CFB: variants seen among roughly 807,000 people sequenced by gnomAD.
The protein encoded by CFB is complement factor B.
Under a neutral mutation model 97.2 loss-of-function variants are expected in CFB, and 59 were observed. That is an observed-to-expected ratio of 0.61 (90% CI 0.49 to 0.75). CFB has a LOEUF of 0.75. Ranked by LOEUF, CFB falls within the 30% of genes least tolerant of loss-of-function variation. CFB has a pLI of 0.00. For missense variants in CFB, 771 were observed against 959.8 expected (o/e 0.80, Z 2.60); for synonymous variants, 316 against 351.7 (o/e 0.90, Z 1.14).
intron 7 of CFB, 83 bp downstream of exon 7, chr6:31,948,595 C>T (rs926265992): frequency 2.6e-5 from 41 of 1,590,680 alleles, no homozygotes; most frequent in South Asian, 1.0e-4. Flanking sequence ...ACCTTGAGGG[C>T]GACAGGGAGG....
At position 31,949,726 on chromosome 6, in the gene CFB, G is replaced by GA. The variant is rs556151342; in HGVS notation, c.1408+171dup. 85 of 858,820 alleles carry GA rather than the reference G, an allele frequency of 9.9e-5. 2 individuals carry two copies. The South Asian group carries it at 1.2e-3, about 12-fold the overall frequency. The allele number at this position is 858,820 out of a possible 1,614,324, so 53.2% of individuals were successfully genotyped here. ...TCCTGGCACTGTTCACTTAACCTTA[G>GA]AATCACAGAGCTCTGAGCACTTCAG... On this transcript the variant is annotated intron_variant, in intron 10 of 17. Coordinates refer to ENST00000425368, the MANE Select transcript of CFB (RefSeq NM_001710.6).
Position 31,946,688 on chromosome 6 carries a change from G to C in CFB, c.298+82G>C, listed in dbSNP as rs761049692. ...CAAGGTCAGGACTAGGATGAGACTA[G>C]GCAGGGTGACAAGGTGGGCTGACCG... On this transcript the variant is annotated intron_variant, in intron 2 of 17. Coordinates refer to ENST00000425368, the MANE Select transcript of CFB (RefSeq NM_001710.6). This position sits in a 1 kb window ranked among gnomAD's most constrained non-coding sequence, Gnocchi z 6.4. 1 of 1,328,496 alleles carries C rather than the reference G, an allele frequency of 7.5e-7. No individual in the cohort carries two copies. Among genetic ancestry groups the C allele is most frequent in the African/African-American group, 1.4e-5 (1 of 69,362 alleles). 82.3% of individuals were successfully genotyped at this position (1,328,496 alleles called of 1,614,324 possible).
chr6:31,950,565 G>T (rs1562631830), intron 12 of CFB, 54 bp from the exon 13 acceptor site: 2 of 1,611,224 alleles, frequency 1.2e-6, no homozygotes, highest in African/African-American at 1.3e-5. Context: ...AATGACACGG[G>T]GCCAGAGGCA....
Position 31,949,355 on chromosome 6 carries a change from T to C in CFB, c.1270+11T>C. On this transcript the variant is annotated intron_variant, in intron 9 of 17. Coordinates refer to ENST00000425368, the MANE Select transcript of CFB (RefSeq NM_001710.6). The stretch of plus-strand genomic sequence containing the variant: ...GGGAGGATTATCTGGGTGAGTAACC[T>C]GCCTAGGACCCAGCACCCCACTTCC... The C allele has an allele frequency of 6.2e-7, 1 of 1,614,196 alleles. No individual in the cohort carries two copies. Among genetic ancestry groups the C allele is most frequent in the Non-Finnish European group, 8.5e-7 (1 of 1,180,024 alleles).
rs1342942255 is a variant in CFB at position 31,947,500 on chromosome 6, G to A, written c.637G>A (p.Gly213Arg). ...RTCQEGGSWS[G>R]TEPSCQDSFM... The stretch of plus-strand genomic sequence containing the variant: ...GTGTCAGGAAGGTGGCTCTTGGAGC[G>A]GGACGGAGCCTTCCTGCCAAGGTGA... Residue 213 changes from glycine (G) to arginine (R), a missense_variant, in exon 4 of 18, where the codon GGG becomes AGG. Coordinates refer to ENST00000425368, the MANE Select transcript of CFB (RefSeq NM_001710.6). This position sits in a 1 kb window ranked among gnomAD's most constrained non-coding sequence, Gnocchi z 5.3. 5 of 1,612,804 alleles carry A rather than the reference G, an allele frequency of 3.1e-6. No homozygotes were observed. The highest frequency in any genetic ancestry group is 1.3e-5 in the African/African-American group (1 of 74,872).
chr6:31,949,159 T>A, intron 8 of CFB, 84 bp from the exon 9 acceptor site: 1 of 1,483,906 alleles, frequency 6.7e-7, no homozygotes, highest in Non-Finnish European at 9.3e-7. Context: ...CTTCCTCAAC[T>A]TGCTCACCCT....
At position 31,947,471 on chromosome 6, in the gene CFB, G is replaced by T; in HGVS notation, c.608G>T (p.Arg203Leu). ...RGLTLRGSQR[R>L]TCQEGGSWSG... ...CTTACCCTGCGTGGCTCCCAGCGGC[G>T]AACGTGTCAGGAAGGTGGCTCTTGG... The change falls in exon 4 of 18, where the codon CGA becomes CTA. Residue 203 changes from arginine (R) to leucine (L), a missense_variant. Coordinates refer to ENST00000425368, the MANE Select transcript of CFB (RefSeq NM_001710.6). The surrounding 1 kb of genome is among the most constrained non-coding windows in gnomAD (Gnocchi z 5.3). 2 of 1,612,984 alleles carry T rather than the reference G, an allele frequency of 1.2e-6. No individual in the cohort carries two copies. The highest frequency in any genetic ancestry group is 1.7e-6 in the Non-Finnish European group (2 of 1,180,010).
In CFB at chr6:31,946,849, C is replaced by T. The variant is rs1771454138; in HGVS notation, c.299-158C>T. ...ACACTCAGAAATGGGGAGGGAGAAG[C>T]AGTGGAAATCCATATGGGTTGAGGA... On this transcript the variant is annotated intron_variant, in intron 2 of 17. Transcript: ENST00000425368. This position sits in a 1 kb window ranked among gnomAD's most constrained non-coding sequence, Gnocchi z 6.4. 2 of 821,778 alleles carry T rather than the reference C, an allele frequency of 2.4e-6. No homozygotes were observed. The highest frequency in any genetic ancestry group is 2.0e-6 in the Non-Finnish European group (1 of 494,494). 50.9% of individuals were successfully genotyped at this position (821,778 alleles called of 1,614,324 possible).
At position 31,948,074 on chromosome 6, in the gene CFB, T is replaced by C; in HGVS notation, c.890T>C (p.Ile297Thr). Residue 297 changes from isoleucine (I) to threonine (T), a missense_variant, in exon 6 of 18, where the codon ATT (isoleucine) becomes ACT (threonine). Ile to Thr is a moderately conservative substitution (Grantham distance 89). Transcript: ENST00000425368. The part of the protein sequence containing the change: ...TGAKKCLVNL[I>T]EKVASYGVKP... ...GCCAAAAAGTGTCTAGTCAACTTAA[T>C]TGAGAAGGTGGAATCCTCCTATCCC... 2 of 1,614,072 alleles carry C rather than the reference T, an allele frequency of 1.2e-6. No homozygotes were observed. The highest frequency in any genetic ancestry group is 1.7e-6 in the Non-Finnish European group (2 of 1,180,022).
intron 10 of CFB, 113 bp from the exon 11 acceptor site, chr6:31,949,937 T>C (rs1458311908): frequency 2.0e-6 from 2 of 976,902 alleles, no homozygotes; most frequent in African/African-American, 3.2e-5. Flanking sequence ...ATACCCGTGG[T>C]CTTTCCCTTT....
rs1582137218 is a variant in CFB at position 31,948,939 on chromosome 6, T to C, written c.1146T>C (p.His382=). 1.9e-6 allele frequency: 3 copies of C among 1,612,988 alleles called. No individual in the cohort carries two copies. Among genetic ancestry groups the C allele is most frequent in the Non-Finnish European group, 1.7e-6 (2 of 1,180,026 alleles). Residue 382 remains histidine (H), a synonymous_variant, in exon 8 of 18, where the codon CAT becomes CAC. Coordinates refer to ENST00000425368, the MANE Select transcript of CFB (RefSeq NM_001710.6). ...VPPEGWNRTR[H]VIILMTDGLH... ...CTGAAGGCTGGAACCGCACCCGCCA[T>C]GTCATCATCCTCATGACTGATGGTC...
Position 31,951,824 on chromosome 6 carries a change from C to T in CFB, c.2140-51C>T, listed in dbSNP as rs1380160725. ...ACACAAGCAGGAACAGCCATGCTTC[C>T]AGGATTAGGAATTCTACTGAATGAT... is the stretch of plus-strand genomic sequence containing the variant. On this transcript the variant is annotated intron_variant, in intron 17 of 17. Transcript: ENST00000425368. This position sits in a 1 kb window ranked among gnomAD's most constrained non-coding sequence, Gnocchi z 4.3. 3 of 1,612,502 alleles carry T rather than the reference C, an allele frequency of 1.9e-6. No individual in the cohort carries two copies. Among genetic ancestry groups the T allele is most frequent in the Admixed American group, 1.7e-5 (1 of 60,006 alleles).
intron 8 of CFB, 46 bp downstream of exon 8, chr6:31,949,007 A>C: frequency 6.2e-7 from 1 of 1,612,090 alleles, no homozygotes; most frequent in Middle Eastern, 1.8e-4. Flanking sequence ...ACCTTCTCAG[A>C]CCAGCATGTG....
At position 31,950,402 on chromosome 6, in the gene CFB, AG is replaced by A; in HGVS notation, c.1624+1del. ...DKEHSIKVSV[G>X]GEKRDLEIEV... ...AGGAACACTCAATCAAGGTCAGCGT[AG>A]GTAAGGATGCAACTGAAGGTCCTGG... On this transcript the variant is annotated frameshift_variant and splice_region_variant, in exon 12 of 18. Transcript: ENST00000425368. LOFTEE classifies it high-confidence loss of function. 1 of 1,612,054 alleles carries A rather than the reference AG, an allele frequency of 6.2e-7. No individual in the cohort carries two copies. The highest frequency in any genetic ancestry group is 8.5e-7 in the Non-Finnish European group (1 of 1,179,586).
In CFB at chr6:31,951,303, T is replaced by C. The variant is rs1771754780; in HGVS notation, c.1957-38T>C. 1 of 1,613,976 alleles carries C rather than the reference T, an allele frequency of 6.2e-7. No individual in the cohort carries two copies. The highest frequency in any genetic ancestry group is 8.5e-7 in the Non-Finnish European group (1 of 1,180,036). ...GCCCCAATCCTTCCTAAGCCACTTC[T>C]GTTCATTACTTCTCCATGCTTCCCA... On this transcript the variant is annotated intron_variant, in intron 15 of 17. Coordinates refer to ENST00000425368, the MANE Select transcript of CFB (RefSeq NM_001710.6). This position sits in a 1 kb window ranked among gnomAD's most constrained non-coding sequence, Gnocchi z 4.3.
intron 10 of CFB, 120 bp downstream of exon 10, chr6:31,949,677 T>C: frequency 8.4e-7 from 1 of 1,188,280 alleles, no homozygotes; most frequent in Non-Finnish European, 1.2e-6. Flanking sequence ...CCTCCTTCTC[T>C]ACCTCAGTGT....
Position 31,951,126 on chromosome 6 carries a change from C to T in CFB, c.1856-18C>T, listed in dbSNP as rs4151671. 67,418 of 1,610,226 alleles carry T rather than the reference C, an allele frequency of 0.042. 1,531 individuals carry two copies. The highest frequency in any genetic ancestry group is 0.052 in the South Asian group (4,720 of 91,024). On this transcript the variant is annotated intron_variant, in intron 14 of 17. Coordinates refer to ENST00000425368, the MANE Select transcript of CFB (RefSeq NM_001710.6). The surrounding 1 kb of genome is among the most constrained non-coding windows in gnomAD (Gnocchi z 4.3). Reference sequence around the variant, plus strand: ...ACAGTGGTGGGAGCAGCTGAAGTGACGCAGTCTATTCGTCCAGAGGAAGAG... The same window carrying T: ...ACAGTGGTGGGAGCAGCTGAAGTGATGCAGTCTATTCGTCCAGAGGAAGAG...
Position 31,950,613 on chromosome 6 carries a change from C to T in CFB, c.1625-6C>T. ...CAAAGAGGTGGTACCTACTCTCCTA[C>T]TTCAGGAGGGGAGAAGCGGGACCTG... On this transcript the variant is annotated splice_polypyrimidine_tract_variant and splice_region_variant and intron_variant, in intron 12 of 17. Transcript: ENST00000425368. 1 of 1,612,970 alleles carries T rather than the reference C, an allele frequency of 6.2e-7. No homozygotes were observed. The highest frequency in any genetic ancestry group is 8.5e-7 in the Non-Finnish European group (1 of 1,180,012).
intron 12 of CFB, 85 bp from the exon 13 acceptor site, chr6:31,950,533 TG>T: frequency 6.3e-7 from 1 of 1,594,714 alleles, no homozygotes; most frequent in East Asian, 2.2e-5. Flanking sequence ...CAGTCAGGGA[TG>T]GGGGAAGACG....
Sources: allele counts gnomAD v4.1 joint callset, GRCh38; gene constraint gnomAD v4.1.1; non-coding constraint Gnocchi (gnomAD v3.1); transcripts MANE v1.5; gene names NCBI Gene and HGNC (gene_info 2026-07-23, HGNC 2026-07-21).